The following SYT2 variants were observed in gnomAD, a reference collection of about 807,000 sequenced individuals.
SYT2 encodes synaptotagmin 2.
In SYT2, 15 loss-of-function variants were observed where a neutral mutation model predicts 39.9. The observed-to-expected ratio is 0.38, with a 90% CI of 0.25 to 0.58. The LOEUF (loss-of-function observed/expected upper bound fraction) is 0.58. Among genes scored for constraint, SYT2 ranks in the 20% least tolerant of loss-of-function variants. SYT2 has a pLI of 0.70. For synonymous variants in SYT2, 181 were observed against 204.5 expected (o/e 0.89, Z 0.98); for missense variants, 389 against 530.3 (o/e 0.73, Z 2.62).
chr1:202,657,737 C>A (rs546579042), intron 1 of SYT2, among the ~76,000 whole-genome samples: 69 of 152,084 alleles, frequency 4.5e-4, no homozygotes, highest in Non-Finnish European at 2.1e-4. Flanking sequence ...CCCTGGGATC[C>A]CCTCACTGTC....
intron 1 of SYT2, among the ~76,000 whole-genome samples, chr1:202,625,178 CGTG>C (rs1335097082): frequency 1.1e-3 from 1 of 900 alleles, no homozygotes; most frequent in Non-Finnish European, 2.1e-3. Context: ...GTGTGTGTGT[CGTG>C]TGTGTGGCAT....
In SYT2 at chr1:202,602,016, G is replaced by A. The variant is rs1198196036; in HGVS notation, c.675C>T (p.Ala225=). The change falls in exon 6 of 9, where the codon GCC becomes GCT. Residue 225 remains alanine (A), a synonymous_variant. Transcript: ENST00000367268. ...QELGGKTLVM[A]IYDFDRFSKH... is the part of the protein sequence containing the mutation. ...TGGAGAAGCGGTCAAAGTCATAGAT[G>A]GCCATCACCAGAGTTTTGCCCCCAA... 5 of 1,614,070 alleles carry A rather than the reference G, an allele frequency of 3.1e-6. No homozygotes were observed. The highest frequency in any genetic ancestry group is 3.3e-5 in the Admixed American group (2 of 60,008).
chr1:202,625,076 GTGTGTGTGGTT>G (rs1558436129), intron 1 of SYT2, among the ~76,000 whole-genome samples: 10 of 152,006 alleles, frequency 6.6e-5, no homozygotes, highest in African/African-American at 1.7e-4. Context: ...GTAGTAGGGT[GTGTGTGTGGTT>G]TGTGTGTGGT....
chr1:202,636,214 T>G (rs568324320), intron 1 of SYT2, among the ~76,000 whole-genome samples: 3 of 152,192 alleles, frequency 2.0e-5, no homozygotes, highest in Admixed American at 6.5e-5. Context: ...CCACCATCCT[T>G]TTTCCAGGTG....
intron 1 of SYT2, among the ~76,000 whole-genome samples, chr1:202,709,869 G>A (rs555678187): frequency 8.1e-4 from 123 of 152,310 alleles, no homozygotes; most frequent in African/African-American, 2.9e-3. Context: ...GCTAGGGCTG[G>A]CGGGGGCTGG....
At chr1:202,632,925 G>A (rs1053416412) in intron 1 of SYT2, 4 of 152,168 alleles carry the variant, frequency 2.6e-5, no homozygotes, top group Admixed American at 6.5e-5. Flanking sequence ...AGGGGTAAAT[G>A]CACCATCCTG....
At chr1:202,617,715 C>T (rs1465736699) in intron 1 of SYT2, among the ~76,000 whole-genome samples, 1 of 152,140 alleles carries the variant, frequency 6.6e-6, no homozygotes. Flanking sequence ...CCTGCTTTCC[C>T]AGCTCTCCAT....
intron 1 of SYT2, among the ~76,000 whole-genome samples, chr1:202,687,285 A>G (rs1334627219): frequency 6.6e-6 from 1 of 152,066 alleles, no homozygotes; most frequent in African/African-American, 2.4e-5. Flanking sequence ...GAACTCCAAA[A>G]GCCCGTCTTG....
rs1440932379 is a variant in SYT2, at chr1:202,594,706, A to ACACACACACACACACACT, written c.*2050_*2051insAGTGTGTGTGTGTGTGTG. On this transcript the variant is annotated 3_prime_UTR_variant, in exon 9 of 9. Transcript: ENST00000367268. The stretch of plus-strand genomic sequence containing the variant: ...CTTACCTTCCCATCATTAAGTACAC[A>ACACACACACACACACACT]CACACACACACACACACACACCAGT... 2 of 151,570 alleles carry ACACACACACACACACACT rather than the reference A, an allele frequency of 1.3e-5. No homozygotes were observed. The highest frequency in any genetic ancestry group is 3.9e-4 in the East Asian group (2 of 5,152). The allele number at this position is 151,570 out of a possible 1,614,324, so 9.4% of individuals were successfully genotyped here.
rs1235225917 is a variant in SYT2, at chr1:202,596,284, C to G, written c.*473G>C. On this transcript the variant is annotated 3_prime_UTR_variant, in exon 9 of 9. Coordinates refer to ENST00000367268, the MANE Select transcript of SYT2 (RefSeq NM_177402.5). ...ATGCTCAAAGACACACACACACACA[C>G]ACACACACACACACACACACACATA... The G allele has an allele frequency of 1.2e-5, 1 of 81,642 alleles. No homozygotes were observed. The highest frequency in any genetic ancestry group is 5.5e-5 in the African/African-American group (1 of 18,248). The allele number at this position is 81,642 out of a possible 1,614,324, so 5.1% of individuals were successfully genotyped here. A position where few individuals can be genotyped will look rare whatever the true frequency, so the allele number is the denominator to read the frequency against.
chr1:202,596,759 A>G lies in SYT2; in HGVS notation c.1258T>C (p.Ter420GlnextTer27). 1 of 1,613,302 alleles carries G rather than the reference A, an allele frequency of 6.2e-7. No individual in the cohort carries two copies. The highest frequency in any genetic ancestry group is 8.5e-7 in the Non-Finnish European group (1 of 1,179,406). Reference protein sequence around the residue: ...EVDALLGKNK* With the variant: ...EVDALLGKNKQ ...TGTGGGGTCCCAGCCGCTGCTGTCT[A>G]CTTGTTCTTGCCCAGGAGTGCATCC... is the stretch of plus-strand genomic sequence containing the variant. Residue 420 changes from the stop codon to glutamine, a stop_lost, in exon 9 of 9, where the codon TAG becomes CAG. Transcript: ENST00000367268.
chr1:202,691,347 T>C (rs896243682), intron 1 of SYT2, among the ~76,000 whole-genome samples: 1 of 152,010 alleles, frequency 6.6e-6, no homozygotes, highest in African/African-American at 2.4e-5. Context: ...GTGAGAGGCA[T>C]GGTGAAGACA....
At chr1:202,701,446 C>T (rs1654118820) in intron 1 of SYT2, among the ~76,000 whole-genome samples, 1 of 152,144 alleles carries the variant, frequency 6.6e-6, no homozygotes, top group Admixed American at 6.5e-5. Flanking sequence ...CTTCTCATTC[C>T]ATCACAGAGA....
rs1267784166 is a variant in SYT2 at position 202,592,455 on chromosome 1, A to G, written c.*4302T>C. The G allele has an allele frequency of 6.6e-6, 1 of 152,356 alleles. No homozygotes were observed. Among genetic ancestry groups the G allele is most frequent in the Admixed American group, 6.5e-5 (1 of 15,286 alleles). The allele number at this position is 152,356 out of a possible 1,614,324, so 9.4% of individuals were successfully genotyped here. A position where few individuals can be genotyped will look rare whatever the true frequency, so the allele number is the denominator to read the frequency against. On this transcript the variant is annotated 3_prime_UTR_variant, in exon 9 of 9. Coordinates refer to ENST00000367268, the MANE Select transcript of SYT2 (RefSeq NM_177402.5). ...GACATAAAATCAAAGGAGCAGCCTC[A>G]ACCAGTTCTGTAAAATGGGTTTGAG... is the stretch of plus-strand genomic sequence containing the variant.
chr1:202,706,378 T>G (rs941293187), intron 1 of SYT2, among the ~76,000 whole-genome samples: 1 of 151,910 alleles, frequency 6.6e-6, no homozygotes, highest in Admixed American at 6.6e-5. Flanking sequence ...GTTGTGTGTG[T>G]GGGCAGGAAA....
intron 1 of SYT2, among the ~76,000 whole-genome samples, chr1:202,656,309 T>A (rs1471928648): frequency 6.6e-6 from 1 of 152,220 alleles, no homozygotes; most frequent in African/African-American, 2.4e-5. Flanking sequence ...AAACAGAAAT[T>A]TCCCGACTCC....
chr1:202,691,961 C>A (rs1446827284), intron 1 of SYT2, among the ~76,000 whole-genome samples: 1 of 152,014 alleles, frequency 6.6e-6, no homozygotes, highest in Non-Finnish European at 1.5e-5. Context: ...GCACTCTATT[C>A]TCTCTCCCAC....
At chr1:202,668,319 C>A (rs1692518845) in intron 1 of SYT2, among the ~76,000 whole-genome samples, 1 of 152,138 alleles carries the variant, frequency 6.6e-6, no homozygotes, top group Non-Finnish European at 1.5e-5. Context: ...ACGGTCTAAA[C>A]CTCTCAGGTG....
At chr1:202,631,443 C>T (rs1041217173) in intron 1 of SYT2, among the ~76,000 whole-genome samples, 3 of 152,288 alleles carry the variant, frequency 2.0e-5, no homozygotes, top group East Asian at 1.9e-4. Context: ...GAAACAGGAA[C>T]GACTTAAGTT....
Sources: allele counts gnomAD v4.1 joint callset (sites outside exome capture counted in the v4.1 genomes callset), GRCh38; gene constraint gnomAD v4.1.1; transcripts MANE v1.5; gene names NCBI Gene and HGNC (gene_info 2026-07-23, HGNC 2026-07-21).